The following CERS6 variants were observed in gnomAD, a reference collection of about 807,000 sequenced individuals.
CERS6 encodes LAG1 homolog, ceramide synthase 6.
Under a neutral mutation model 56.8 loss-of-function variants are expected in CERS6, and 26 were observed. That is an observed-to-expected ratio of 0.46 (90% CI 0.34 to 0.63). The LOEUF is 0.63. CERS6 is among the 30% of genes least tolerant of loss of function. The probability of loss-of-function intolerance (pLI) is 0.01; values close to 1 mark genes in which losing one functional copy is unlikely to be tolerated. For missense variants in CERS6, 415 were observed against 467.5 expected (o/e 0.89, Z 1.04); for synonymous variants, 164 against 173.3 (o/e 0.95, Z 0.42).
intron 6 of CERS6, among the ~76,000 whole-genome samples, chr2:168,710,844 T>G (rs1026099682): frequency 2.6e-5 from 4 of 152,206 alleles, no homozygotes; most frequent in African/African-American, 9.7e-5. Flanking sequence ...CTTCTGCCAG[T>G]GAGCTGAGAA....
intron 3 of CERS6, among the ~76,000 whole-genome samples, chr2:168,611,668 T>C (rs750223597): frequency 1.3e-5 from 2 of 152,226 alleles, no homozygotes; most frequent in Non-Finnish European, 2.9e-5. Context: ...ACTTAACATT[T>C]TCAGAGCTGC....
chr2:168,650,747 A>G (rs1416033852), intron 4 of CERS6, among the ~76,000 whole-genome samples: 1 of 151,850 alleles, frequency 6.6e-6, no homozygotes, highest in Non-Finnish European at 1.5e-5. Flanking sequence ...GCATTCATAT[A>G]CCCCTTCAAT....
At chr2:168,713,945 C>T (rs72879858) in intron 6 of CERS6, among the ~76,000 whole-genome samples, 17,746 of 152,022 alleles carry the variant, frequency 0.12, 1,392 homozygotes, top group Middle Eastern at 0.3. Context: ...CCGTCTTAAT[C>T]CATTTGGGCT....
intron 1 of CERS6, among the ~76,000 whole-genome samples, chr2:168,518,787 C>T (rs1360669527): frequency 6.6e-6 from 1 of 152,216 alleles, no homozygotes; most frequent in Non-Finnish European, 1.5e-5. Flanking sequence ...GTTTCTCTCC[C>T]TGCAGAGCTG....
At position 168,561,098 on chromosome 2, in the gene CERS6, G is replaced by GA. The variant is rs1167072590; in HGVS notation, c.277-87dup. The stretch of plus-strand genomic sequence containing the variant: ...AGTAGCAGATAGTAAACAATAGGGG[G>GA]AAAAAAACCTCTCAGATATAGACAA... On this transcript the variant is annotated intron_variant, in intron 2 of 9. Coordinates refer to ENST00000305747, the MANE Select transcript of CERS6 (RefSeq NM_203463.3). The GA allele has an allele frequency of 1.7e-5, 24 of 1,375,068 alleles. No individual in the cohort carries two copies. The Admixed American group carries it at 1.8e-4, about 10-fold the overall frequency. The allele number at this position is 1,375,068 out of a possible 1,614,324, so 85.2% of individuals were successfully genotyped here. A position where few individuals can be genotyped will look rare whatever the true frequency, so the allele number is the denominator to read the frequency against.
intron 3 of CERS6, among the ~76,000 whole-genome samples, chr2:168,571,572 T>C (rs1695987656): frequency 6.6e-6 from 1 of 152,122 alleles, no homozygotes; most frequent in South Asian, 2.1e-4. Flanking sequence ...TGAGGTTTAT[T>C]TGTAGGCCTT....
chr2:168,572,211 A>G (rs899759374), intron 3 of CERS6, among the ~76,000 whole-genome samples: 1 of 152,190 alleles, frequency 6.6e-6, no homozygotes, highest in African/African-American at 2.4e-5. Flanking sequence ...CAGCTTACAT[A>G]TTAGTATATA....
chr2:168,666,026 A>G (rs938925293), intron 4 of CERS6, among the ~76,000 whole-genome samples: 5 of 150,900 alleles, frequency 3.3e-5, no homozygotes, highest in Non-Finnish European at 5.9e-5. Context: ...AATGGAAAAT[A>G]TGGAGTATTC....
At chr2:168,468,297 C>T (rs967959045) in intron 1 of CERS6, among the ~76,000 whole-genome samples, 2 of 152,138 alleles carry the variant, frequency 1.3e-5, no homozygotes, top group Non-Finnish European at 2.9e-5. Context: ...ACCTACTTCC[C>T]CTGGTCTAGC....
intron 8 of CERS6, among the ~76,000 whole-genome samples, chr2:168,727,690 G>A (rs947331066): frequency 2.6e-5 from 4 of 152,122 alleles, no homozygotes; most frequent in African/African-American, 4.8e-5. Flanking sequence ...TACCAAAGTG[G>A]CATGGCTTAT....
intron 8 of CERS6, among the ~76,000 whole-genome samples, chr2:168,731,611 G>A (rs191474453): frequency 9.2e-5 from 14 of 152,090 alleles, no homozygotes; most frequent in Admixed American, 9.2e-4. Context: ...GGAAGGGAGG[G>A]ACAAAGGAGA....
intron 8 of CERS6, among the ~76,000 whole-genome samples, chr2:168,739,587 A>T (rs1683830679): frequency 6.6e-6 from 1 of 152,200 alleles, no homozygotes; most frequent in Non-Finnish European, 1.5e-5. Context: ...GAGGAGTGGC[A>T]GATGGAGTCT....
chr2:168,675,008 G>A (rs900776513), intron 4 of CERS6, among the ~76,000 whole-genome samples: 4 of 151,630 alleles, frequency 2.6e-5, no homozygotes, highest in African/African-American at 9.7e-5. Flanking sequence ...GCGGAGTCTT[G>A]CTGTGTCGCC....
At chr2:168,461,646 C>G (rs1156935506) in intron 1 of CERS6, among the ~76,000 whole-genome samples, 2 of 151,864 alleles carry the variant, frequency 1.3e-5, no homozygotes, top group African/African-American at 2.4e-5. Context: ...AGTAGTTTGG[C>G]TATTTGTTAT....
chr2:168,750,889 A>C (rs1684247476), intron 8 of CERS6, among the ~76,000 whole-genome samples: 2 of 152,208 alleles, frequency 1.3e-5, no homozygotes, highest in South Asian at 4.1e-4. Flanking sequence ...AAGTTCTTTG[A>C]GGTTCACTAT....
intron 4 of CERS6, among the ~76,000 whole-genome samples, chr2:168,635,282 G>GA (rs1325333783): frequency 6.6e-6 from 1 of 152,196 alleles, no homozygotes; most frequent in Non-Finnish European, 1.5e-5. Flanking sequence ...TGGTGTCCCT[G>GA]AGGGAGCATG....
At chr2:168,489,901 C>A (rs990708535) in intron 1 of CERS6, among the ~76,000 whole-genome samples, 7 of 152,102 alleles carry the variant, frequency 4.6e-5, no homozygotes, top group Non-Finnish European at 8.8e-5. Context: ...TGGATTGTAT[C>A]CTGGACATTG....
chr2:168,645,116 A>AAAATATAT (rs1553503146), intron 4 of CERS6, among the ~76,000 whole-genome samples: 2 of 19,018 alleles, frequency 1.1e-4, no homozygotes, highest in Non-Finnish European at 2.0e-4. Flanking sequence ...AAAAAAAAAA[A>AAAATATAT]ATATATATAT....
intron 8 of CERS6, among the ~76,000 whole-genome samples, chr2:168,760,360 G>A (rs1684538192): frequency 6.6e-6 from 1 of 152,050 alleles, no homozygotes; most frequent in Admixed American, 6.6e-5. Context: ...GGCCAGTCTC[G>A]CGTTTCCCAT....
Sources: allele counts gnomAD v4.1 joint callset (sites outside exome capture counted in the v4.1 genomes callset), GRCh38; gene constraint gnomAD v4.1.1; transcripts MANE v1.5; gene names NCBI Gene and HGNC (gene_info 2026-07-23, HGNC 2026-07-21).